The following TLN2 variants were observed in gnomAD, a reference collection of about 807,000 sequenced individuals.
The protein encoded by TLN2 is talin 2.
TLN2 carries 118 observed loss-of-function variants against 294.7 expected under a neutral mutation model. The observed-to-expected ratio is 0.40, with a 90% CI of 0.34 to 0.47. The LOEUF is 0.47. TLN2 is among the 20% of genes least tolerant of loss of function. The pLI is 0.84. For synonymous variants in TLN2, 1,431 were observed against 1,304.5 expected (o/e 1.10, Z -2.09); for missense variants, 3,083 against 3,282.2 (o/e 0.94, Z 1.48).
chr15:62,591,922 G>A (rs192199898), intron 2 of TLN2, among the ~76,000 whole-genome samples: 2 of 152,302 alleles, frequency 1.3e-5, no homozygotes, highest in Admixed American at 6.5e-5. Context: ...AGAGGGTGCT[G>A]AGTGGTCCAA....
intron 1 of TLN2, among the ~76,000 whole-genome samples, chr15:62,423,956 A>G (rs969602140): frequency 6.6e-5 from 10 of 152,232 alleles, no homozygotes; most frequent in East Asian, 5.8e-4. Flanking sequence ...CCTCTTTTCA[A>G]AGGCTGACTA....
At chr15:62,521,295 G>T (rs2140473117) in intron 1 of TLN2, among the ~76,000 whole-genome samples, 1 of 152,254 alleles carries the variant, frequency 6.6e-6, no homozygotes, top group African/African-American at 2.4e-5. Flanking sequence ...CGTGAGGGTG[G>T]GGGGTACAGG....
chr15:62,631,292 A>C (rs538308709), intron 3 of TLN2, among the ~76,000 whole-genome samples: 6 of 152,148 alleles, frequency 3.9e-5, no homozygotes, highest in Admixed American at 3.9e-4. Flanking sequence ...ATTAAGTTTC[A>C]ACATGAATTT....
chr15:62,470,432 G>C (rs753536786), intron 1 of TLN2, among the ~76,000 whole-genome samples: 6 of 152,258 alleles, frequency 3.9e-5, no homozygotes, highest in Admixed American at 6.5e-5. Flanking sequence ...GGCCAGGGCT[G>C]ACAGTGGACC....
chr15:62,605,975 G>C (rs2047401613), intron 2 of TLN2, among the ~76,000 whole-genome samples: 1 of 152,212 alleles, frequency 6.6e-6, no homozygotes. Flanking sequence ...GACTTGTCTA[G>C]AGGTAGTAGT....
In TLN2 at chr15:62,735,246, G is replaced by A. The variant is rs144623028; in HGVS notation, c.3359-1632G>A. On this transcript the variant is annotated intron_variant, in intron 28 of 58. Coordinates refer to ENST00000636159, the MANE Select transcript of TLN2 (RefSeq NM_015059.3). ...GGGTAAGCTGTTCAGCGATTCTCAG[G>A]CGTTATATGTGTCCTGGCATCTCCA... Among the ~76,000 whole-genome samples the A allele has an allele frequency of 7.6e-3, 1,156 of 152,280 alleles. 10 individuals are homozygous for A. The highest frequency in any genetic ancestry group is 0.037 in the Middle Eastern group (11 of 294).
intron 2 of TLN2, among the ~76,000 whole-genome samples, chr15:62,610,469 A>C (rs552414884): frequency 3.0e-4 from 45 of 152,304 alleles, no homozygotes; most frequent in Admixed American, 5.2e-4. Context: ...GCCTGAACTA[A>C]GCTTATTTAA....
chr15:62,403,015 G>A lies in TLN2; in HGVS notation c.-238+12330G>A, dbSNP rs146458238. ...AGCACTTTGGGAGGCTGAGGTGGGC[G>A]GATCACGAGGTCTGGAGTTGGAGAC... is the stretch of plus-strand genomic sequence containing the variant. On this transcript the variant is annotated intron_variant, in intron 1 of 58. Coordinates refer to ENST00000636159, the MANE Select transcript of TLN2 (RefSeq NM_015059.3). 7.3e-3 allele frequency among the ~76,000 whole-genome samples: 1,118 copies of A among 152,224 alleles called. 11 individuals carry two copies. Among genetic ancestry groups the A allele is most frequent in the African/African-American group, 0.026 (1,072 of 41,538 alleles).
intron 2 of TLN2, among the ~76,000 whole-genome samples, chr15:62,600,388 G>GACT (rs1219916782): frequency 2.6e-5 from 4 of 152,190 alleles, no homozygotes; most frequent in Non-Finnish European, 5.9e-5. Context: ...TGCCACATTA[G>GACT]AGGCCAGTAT....
At position 62,750,472 on chromosome 15, in the gene TLN2, G is replaced by T; in HGVS notation, c.4190G>T (p.Ser1397Ile). 6.2e-7 allele frequency: 1 copy of T among 1,614,184 alleles called. No homozygotes were observed. The highest frequency in any genetic ancestry group is 8.5e-7 in the Non-Finnish European group (1 of 1,179,992). The part of the protein sequence containing the change: ...SDLSYFDCIE[S>I]VMENSKVLGE... ...CTCTCTTACTTTGACTGCATTGAGA[G>T]TGTGATGGAAAACTCCAAGGTAAGA... Residue 1397 changes from serine to isoleucine, a missense_variant, in exon 34 of 59, where the codon AGT becomes ATT. Transcript: ENST00000636159.
At chr15:62,527,170 G>C (rs141085346) in intron 1 of TLN2, among the ~76,000 whole-genome samples, 1 of 152,130 alleles carries the variant, frequency 6.6e-6, no homozygotes, top group African/African-American at 2.4e-5. Flanking sequence ...AGTGGGATTG[G>C]AGACACGGTG....
intron 1 of TLN2, among the ~76,000 whole-genome samples, chr15:62,578,747 C>T (rs562020626): frequency 8.5e-5 from 13 of 152,190 alleles, no homozygotes; most frequent in South Asian, 4.2e-4. Context: ...GTGCTGTGCT[C>T]GTGTGTCCCT....
chr15:62,507,223 G>A (rs2039668702), intron 1 of TLN2, among the ~76,000 whole-genome samples: 1 of 152,198 alleles, frequency 6.6e-6, no homozygotes, highest in Admixed American at 6.5e-5. Flanking sequence ...CTTAGGTGTT[G>A]AAATGTCTGT....
chr15:62,532,088 C>T (rs2041074886), intron 1 of TLN2, among the ~76,000 whole-genome samples: 1 of 148,264 alleles, frequency 6.7e-6, no homozygotes, highest in Non-Finnish European at 1.5e-5. Context: ...CTCACTTTGT[C>T]ACCCAGGCTG....
intron 1 of TLN2, among the ~76,000 whole-genome samples, chr15:62,517,598 C>CA (rs1331680615): frequency 2.0e-5 from 3 of 151,964 alleles, no homozygotes; most frequent in South Asian, 2.1e-4. Context: ...CTTTTGTAAA[C>CA]AAAAAAATGA....
intron 28 of TLN2, among the ~76,000 whole-genome samples, chr15:62,731,538 G>T (rs1028908669): frequency 1.3e-5 from 2 of 152,196 alleles, no homozygotes; most frequent in East Asian, 3.8e-4. Context: ...ACCTTTGAGG[G>T]TGTAGCCCTT....
chr15:62,456,140 C>T (rs762287786), intron 1 of TLN2, among the ~76,000 whole-genome samples: 9 of 152,160 alleles, frequency 5.9e-5, no homozygotes, highest in South Asian at 2.1e-4. Context: ...CCTGATCGTC[C>T]GGGGAGTACC....
At chr15:62,575,954 G>C (rs543829693) in intron 1 of TLN2, among the ~76,000 whole-genome samples, 4 of 152,202 alleles carry the variant, frequency 2.6e-5, no homozygotes, top group African/African-American at 9.6e-5. Context: ...ATGTAATTTT[G>C]TCTTATTCTG....
chr15:62,476,832 C>A (rs1376150300), intron 1 of TLN2, among the ~76,000 whole-genome samples: 1 of 152,188 alleles, frequency 6.6e-6, no homozygotes, highest in African/African-American at 2.4e-5. Flanking sequence ...CTGGCATGTA[C>A]CTTCTCATCC....
Sources: gnomAD v4.1 joint callset for allele counts (sites outside exome capture counted in the v4.1 genomes callset) on GRCh38, gnomAD v4.1.1 for gene constraint, MANE v1.5 for transcripts, NCBI Gene and HGNC (gene_info 2026-07-23, HGNC 2026-07-21) for gene names.